RBFOX1: variants seen among roughly 807,000 people sequenced by gnomAD.
RBFOX1 encodes the protein RNA binding fox-1 homolog 1.
Under a neutral mutation model 57.7 loss-of-function variants are expected in RBFOX1, and 8 were observed. The observed-to-expected ratio is 0.14, with a 90% CI of 0.08 to 0.25. RBFOX1 has a LOEUF of 0.25. Ranked by LOEUF, RBFOX1 falls within the 10% of genes least tolerant of loss-of-function variation. The pLI, the probability that RBFOX1 is intolerant of heterozygous loss-of-function variation, is 1.00. For synonymous variants in RBFOX1, 326 were observed against 222.4 expected (o/e 1.47, Z -4.15); for missense variants, 611 against 548.5 (o/e 1.11, Z -1.14).
chr16:6,692,166 C>G (rs183688825), intron 3 of RBFOX1, among the ~76,000 whole-genome samples: 24 of 152,248 alleles, frequency 1.6e-4, no homozygotes, highest in African/African-American at 5.5e-4. Flanking sequence ...TTACAGATGA[C>G]AAAACCAAGG....
chr16:5,609,108 T>C (rs1026332333), intron 3 of RBFOX1, among the ~76,000 whole-genome samples: 3 of 152,142 alleles, frequency 2.0e-5, no homozygotes, highest in Admixed American at 2.0e-4. Flanking sequence ...CAGTAATGAT[T>C]TTGCTAAGAA....
chr16:5,657,980 C>T (rs1051175376), intron 3 of RBFOX1, among the ~76,000 whole-genome samples: 3 of 152,012 alleles, frequency 2.0e-5, no homozygotes, highest in African/African-American at 7.3e-5. Flanking sequence ...GATCCACCCA[C>T]CTCGGCCTCC....
intron 4 of RBFOX1, among the ~76,000 whole-genome samples, chr16:5,959,492 T>C (rs773153748): frequency 2.6e-5 from 4 of 152,218 alleles, no homozygotes; most frequent in Non-Finnish European, 5.9e-5. Context: ...CTAAGAGTAG[T>C]GTTCCTCATT....
At chr16:6,291,891 T>A (rs1045958355) in intron 1 of RBFOX1, among the ~76,000 whole-genome samples, 1 of 152,176 alleles carries the variant, frequency 6.6e-6, no homozygotes, top group African/African-American at 2.4e-5. Flanking sequence ...TTGGTCATTT[T>A]CCTTGATTAA....
chr16:7,101,099 TCATGC>T (rs2062613418), intron 4 of RBFOX1, among the ~76,000 whole-genome samples: 2 of 152,254 alleles, frequency 1.3e-5, no homozygotes, highest in Admixed American at 1.3e-4. Context: ...GCTAGTATTC[TCATGC>T]TATGGTACTT....
In RBFOX1 at chr16:5,984,946, TTATATATA is replaced by T. The variant is rs61004841; in HGVS notation, c.351+117635_351+117642del. On this transcript the variant is annotated intron_variant, in intron 4 of 19. Transcript: ENST00000641259. ...GGTACACCTGTATAGGGCAACTCCA[TTATATATA>T]TATATATATATATATATATATATTT... 4.5e-3 allele frequency among the ~76,000 whole-genome samples: 311 copies of T among 69,614 alleles called. 9 individuals are homozygous for T. The highest frequency in any genetic ancestry group is 0.011 in the Middle Eastern group (1 of 94). The allele number at this position is 69,614 out of a possible 152,430, so 45.7% of individuals were successfully genotyped here.
At chr16:6,266,224 A>G (rs146203948) in intron 1 of RBFOX1, among the ~76,000 whole-genome samples, 3 of 152,310 alleles carry the variant, frequency 2.0e-5, no homozygotes, top group East Asian at 3.9e-4. Flanking sequence ...TAGCAAAGCC[A>G]TAGCTAAAAG....
In RBFOX1 at chr16:6,915,858, C is replaced by T. The variant is rs567170414; in HGVS notation, c.-15-136199C>T. On this transcript the variant is annotated intron_variant, in intron 3 of 15. Transcript: ENST00000550418. Reference sequence around the variant, plus strand: ...TGAGCCGCTATGCCCAGCCTTCATTCCTTTTTATAGTTGAATAATTCTCCT... The same window carrying T: ...TGAGCCGCTATGCCCAGCCTTCATTTCTTTTTATAGTTGAATAATTCTCCT... Among the ~76,000 whole-genome samples, 5 of 152,220 alleles carry T rather than the reference C, an allele frequency of 3.3e-5. No homozygotes were observed. The South Asian group carries it at 1.0e-3, about 32-fold the overall frequency.
chr16:7,684,873 G>T (rs1191706219), intron 14 of RBFOX1, among the ~76,000 whole-genome samples: 2 of 152,018 alleles, frequency 1.3e-5, no homozygotes, highest in African/African-American at 2.4e-5. Context: ...TTTTCAGAAT[G>T]ATCGTTTCCC....
At chr16:6,694,018 T>C (rs2060652934) in intron 3 of RBFOX1, among the ~76,000 whole-genome samples, 1 of 152,266 alleles carries the variant, frequency 6.6e-6, no homozygotes, top group Non-Finnish European at 1.5e-5. Context: ...TTTAGTTTTC[T>C]ATTGTAATAT....
chr16:7,698,185 T>G (rs12932981), intron 14 of RBFOX1, among the ~76,000 whole-genome samples: 30 of 32,482 alleles, frequency 9.2e-4, no homozygotes, highest in East Asian at 0.024. Context: ...TCCAAGAGGG[T>G]GTGTGTGTGT....
intron 12 of RBFOX1, among the ~76,000 whole-genome samples, chr16:7,654,514 C>A (rs1281782549): frequency 6.6e-6 from 1 of 152,150 alleles, no homozygotes; most frequent in East Asian, 1.9e-4. Context: ...ATGGCATTTG[C>A]CTTCCTTTCT....
At chr16:6,535,763 A>C (rs1048751250) in intron 2 of RBFOX1, among the ~76,000 whole-genome samples, 1 of 152,230 alleles carries the variant, frequency 6.6e-6, no homozygotes, top group Non-Finnish European at 1.5e-5. Flanking sequence ...TGGGGCTATC[A>C]CAACCAGCAT....
At chr16:7,330,518 G>GTGTGTGTGTGTT (rs1400189174) in intron 4 of RBFOX1, among the ~76,000 whole-genome samples, 13 of 133,428 alleles carry the variant, frequency 9.7e-5, no homozygotes, top group African/African-American at 3.3e-4. Context: ...GTTTGTGTGT[G>GTGTGTGTGTGTT]TGTGTGTAGA....
chr16:6,032,279 A>G (rs764890450), intron 1 of RBFOX1, among the ~76,000 whole-genome samples: 1 of 152,172 alleles, frequency 6.6e-6, no homozygotes. Context: ...TTTGTTCAAC[A>G]TTTTGAGACA....
chr16:7,312,018 A>C (rs1445244220), intron 4 of RBFOX1, among the ~76,000 whole-genome samples: 3 of 152,210 alleles, frequency 2.0e-5, no homozygotes, highest in African/African-American at 7.2e-5. Flanking sequence ...ATATTAAGTA[A>C]GATGCAAATG....
rs1183379422 is a variant in RBFOX1, at chr16:5,991,487, C to G, written c.351+124152C>G. Among the ~76,000 whole-genome samples, 4 of 152,118 alleles carry G rather than the reference C, an allele frequency of 2.6e-5. No individual in the cohort carries two copies. The East Asian group carries it at 7.7e-4, about 29-fold the overall frequency. On this transcript the variant is annotated intron_variant, in intron 4 of 19. Transcript: ENST00000641259. ...CTCTAGTTTGTTTGGATTAATATCTCTGGAGACCTTTACGGAAGTATTATT... is the reference window on the plus strand; with the variant it reads ...CTCTAGTTTGTTTGGATTAATATCTGTGGAGACCTTTACGGAAGTATTATT...
chr16:6,527,899 C>G (rs9925410), intron 2 of RBFOX1, among the ~76,000 whole-genome samples: 11 of 152,022 alleles, frequency 7.2e-5, no homozygotes, highest in African/African-American at 2.7e-4. Flanking sequence ...CCCTCAGTCA[C>G]GATTCCATGC....
At position 7,292,334 on chromosome 16, in the gene RBFOX1, CATG is replaced by C. The variant is rs574575265; in HGVS notation, c.28-225810_28-225808del. On this transcript the variant is annotated intron_variant, in intron 4 of 15. Transcript: ENST00000550418. ...GACGTATTATATATCATATATCATA[CATG>C]ATATATATAATATATAATGTATTAT... Among the ~76,000 whole-genome samples the C allele has an allele frequency of 7.8e-5, 10 of 127,780 alleles. No individual in the cohort carries two copies. The South Asian group carries it at 2.1e-3, about 27-fold the overall frequency. The allele number at this position is 127,780 out of a possible 152,430, so 83.8% of individuals were successfully genotyped here. A position where few individuals can be genotyped will look rare whatever the true frequency, so the allele number is the denominator to read the frequency against.
Sources: allele counts gnomAD v4.1 joint callset (sites outside exome capture counted in the v4.1 genomes callset), GRCh38; gene constraint gnomAD v4.1.1; transcripts MANE v1.5; gene names NCBI Gene and HGNC (gene_info 2026-07-23, HGNC 2026-07-21).